COL22A1: variants seen among roughly 807,000 people sequenced by gnomAD.
COL22A1 encodes the protein collagen type XXII alpha 1 chain, also known as collagen alpha-1(XXII) chain.
A neutral mutation model predicts 248.9 loss-of-function variants in COL22A1; 221 were observed. The observed-to-expected ratio is 0.89, with a 90% CI of 0.80 to 0.99. COL22A1 has a LOEUF of 0.99. Ranked by LOEUF, COL22A1 falls within the 50% of genes least tolerant of loss-of-function variation. The probability of loss-of-function intolerance (pLI) is 0.00; values close to 1 mark genes in which losing one functional copy is unlikely to be tolerated. For missense variants in COL22A1, 2,240 were observed against 2,179.0 expected, an observed-to-expected ratio of 1.03 and a Z score of -0.56; for synonymous variants, 891 against 793.4, an observed-to-expected ratio of 1.12 and a Z score of -2.07.
At chr8:138,828,739 G>T (rs1038087445) in intron 5 of COL22A1, among the ~76,000 whole-genome samples, 2 of 149,972 alleles carry the variant, frequency 1.3e-5, no homozygotes, top group South Asian at 2.1e-4. Flanking sequence ...GACAGAGCGA[G>T]ACTCCATCTC....
chr8:138,647,498 G>C (rs2130520688), intron 46 of COL22A1, among the ~76,000 whole-genome samples: 1 of 152,342 alleles, frequency 6.6e-6, no homozygotes, highest in Admixed American at 6.5e-5. Flanking sequence ...TCTGAATTAT[G>C]TAGGATCTCA....
At chr8:138,747,160 T>G (rs1474196253) in intron 22 of COL22A1, among the ~76,000 whole-genome samples, 1 of 152,196 alleles carries the variant, frequency 6.6e-6, no homozygotes, top group Non-Finnish European at 1.5e-5. Flanking sequence ...AGAAACAACA[T>G]GATGTGATGA....
intron 4 of COL22A1, among the ~76,000 whole-genome samples, chr8:138,835,443 C>T (rs1170712856): frequency 6.6e-6 from 1 of 152,202 alleles, no homozygotes; most frequent in Non-Finnish European, 1.5e-5. Context: ...CAGGCACCCA[C>T]AGTCCCACAA....
intron 5 of COL22A1, among the ~76,000 whole-genome samples, chr8:138,832,082 T>C (rs1820086918): frequency 6.6e-6 from 1 of 152,142 alleles, no homozygotes; most frequent in South Asian, 2.1e-4. Context: ...TCGTTCTCAC[T>C]GCTACACTCC....
Position 138,609,711 on chromosome 8 carries a change from GGAGGATAAGGGCCAAGACATTGCAGA to G in COL22A1, c.3979-1748_3979-1723del, listed in dbSNP as rs990655841. On this transcript the variant is annotated intron_variant, in intron 56 of 64. Transcript: ENST00000303045. The stretch of plus-strand genomic sequence containing the variant: ...TCTTTCTCTAATCTTCCCTTCGCAG[GGAGGATAAGGGCCAAGACATTGCAGA>G]GAGGATAAGGGCCAAGACACAGTAG... Among the ~76,000 whole-genome samples, 163 of 152,212 alleles carry G rather than the reference GGAGGATAAGGGCCAAGACATTGCAGA, an allele frequency of 1.1e-3. 3 individuals carry two copies. The highest frequency in any genetic ancestry group is 4.6e-4 in the Non-Finnish European group (31 of 68,014).
chr8:138,735,389 A>G lies in COL22A1; in HGVS notation c.2139+2135T>C, dbSNP rs117351608. Among the ~76,000 whole-genome samples, 273 of 152,270 alleles carry G rather than the reference A, an allele frequency of 1.8e-3. 1 individual carries two copies. In the East Asian group the frequency reaches 0.022, roughly 12 times the overall value. On this transcript the variant is annotated intron_variant, in intron 23 of 64. Coordinates refer to ENST00000303045, the MANE Select transcript of COL22A1 (RefSeq NM_152888.3). Reference sequence around the variant, plus strand: ...ACAGGGTGCTACTCCCTGCCATGAAAGCCTGGTAATATTTATATCTATAGC... The same window carrying G: ...ACAGGGTGCTACTCCCTGCCATGAAGGCCTGGTAATATTTATATCTATAGC...
At chr8:138,793,345 A>C (rs1472859916) in intron 12 of COL22A1, among the ~76,000 whole-genome samples, 1 of 152,108 alleles carries the variant, frequency 6.6e-6, no homozygotes, top group African/African-American at 2.4e-5. Flanking sequence ...AGAAGTAGAG[A>C]CTTCAAGTTA....
intron 41 of COL22A1, among the ~76,000 whole-genome samples, chr8:138,666,883 G>A (rs1464454025): frequency 6.6e-6 from 1 of 152,288 alleles, no homozygotes; most frequent in Non-Finnish European, 1.5e-5. Context: ...TCAAATCTTA[G>A]CTTATCAATC....
At chr8:138,852,569 C>A (rs1821723662) in intron 3 of COL22A1, among the ~76,000 whole-genome samples, 4 of 152,154 alleles carry the variant, frequency 2.6e-5, no homozygotes, top group Admixed American at 2.6e-4. Flanking sequence ...TGGGGCTTTC[C>A]ATTTGGAAGT....
chr8:138,630,602 GCA>G, intron 50 of COL22A1, 91 bp downstream of exon 50: 1 of 1,012,186 alleles, frequency 9.9e-7, no homozygotes, highest in South Asian at 1.3e-5. Flanking sequence ...GCCACAGGAG[GCA>G]CACAGGACAA....
chr8:138,689,625 G>A (rs1826663146), intron 36 of COL22A1, among the ~76,000 whole-genome samples: 1 of 152,154 alleles, frequency 6.6e-6, no homozygotes, highest in Non-Finnish European at 1.5e-5. Context: ...TGAGGCAAGA[G>A]AATCACTTGA....
At chr8:138,650,515 A>G (rs1197432671) in intron 45 of COL22A1, among the ~76,000 whole-genome samples, 2 of 152,106 alleles carry the variant, frequency 1.3e-5, no homozygotes, top group Non-Finnish European at 2.9e-5. Context: ...AAACTCACCT[A>G]ACTGTACTCC....
chr8:138,590,266 C>T (rs1816925902), intron 64 of COL22A1, among the ~76,000 whole-genome samples: 1 of 152,116 alleles, frequency 6.6e-6, no homozygotes, highest in African/African-American at 2.4e-5. Context: ...AAACTTTTTA[C>T]TTAAAAAGAT....
chr8:138,715,850 T>A, intron 29 of COL22A1, 115 bp from the exon 30 acceptor site: 2 of 760,234 alleles, frequency 2.6e-6, no homozygotes, highest in Non-Finnish European at 4.4e-6. Flanking sequence ...TATTTCTCTC[T>A]CTCACTTGTC....
chr8:138,760,819 C>T (rs17727506), intron 17 of COL22A1, among the ~76,000 whole-genome samples: 2,849 of 152,240 alleles, frequency 0.019, 41 homozygotes, highest in Non-Finnish European at 0.026. Flanking sequence ...AATGTCCCTG[C>T]TGGGAAGCTT....
chr8:138,796,737 A>C, intron 12 of COL22A1, 82 bp downstream of exon 12: 1 of 952,550 alleles, frequency 1.0e-6, no homozygotes, highest in Admixed American at 1.7e-5. Context: ...TCCAGGCAAC[A>C]TAACAGTAGC....
intron 62 of COL22A1, 45 bp downstream of exon 62, chr8:138,596,859 C>G (rs769191503): frequency 1.9e-6 from 3 of 1,567,552 alleles, no homozygotes; most frequent in Non-Finnish European, 2.6e-6. Context: ...AGAACTGCTT[C>G]CTGGGCTCTT....
intron 50 of COL22A1, 52 bp from the exon 51 acceptor site, chr8:138,626,295 G>T: frequency 7.0e-7 from 1 of 1,427,606 alleles, no homozygotes; most frequent in Non-Finnish European, 9.8e-7. Flanking sequence ...GGCTTTTCTG[G>T]AAGTAAATGA....
chr8:138,623,263 TG>T (rs1233199607), intron 52 of COL22A1, among the ~76,000 whole-genome samples: 517 of 2,624 alleles, frequency 0.2, 4 homozygotes, highest in South Asian at 0.44. Flanking sequence ...TATATATTTA[TG>T]TGTGTGTGTG....
Sources: gnomAD v4.1 joint callset for allele counts (sites outside exome capture counted in the v4.1 genomes callset) on GRCh38, gnomAD v4.1.1 for gene constraint, MANE v1.5 for transcripts, NCBI Gene and HGNC (gene_info 2026-07-23, HGNC 2026-07-21) for gene names.